Variants in SLC30A5 observed in about 807,000 individuals in gnomAD.
SLC30A5 encodes solute carrier family 30 member 5.
In SLC30A5, 33 loss-of-function variants were observed where a neutral mutation model predicts 79.6. That is an observed-to-expected ratio of 0.41 (90% CI 0.31 to 0.55). SLC30A5 has a LOEUF of 0.55. Among genes scored for constraint, SLC30A5 ranks in the 20% least tolerant of loss-of-function variants. The pLI is 0.20. For missense variants in SLC30A5, 788 were observed against 928.1 expected (o/e 0.85, Z 1.96); for synonymous variants, 299 against 319.7 (o/e 0.94, Z 0.69).
At chr5:69,103,010 C>T in intron 2 of SLC30A5, 52 bp from the exon 3 acceptor site, 2 of 892,376 alleles carry the variant, frequency 2.2e-6, no homozygotes, top group South Asian at 3.5e-5. Context: ...AAAACTGTAT[C>T]TTGTGTTTAA....
Position 69,130,184 on chromosome 5 carries a change from T to G in SLC30A5, c.*567T>G, listed in dbSNP as rs1746813859. On this transcript the variant is annotated 3_prime_UTR_variant, in exon 16 of 16. Coordinates refer to ENST00000396591, the MANE Select transcript of SLC30A5 (RefSeq NM_022902.5). ...ACTGATATGAGATAAGCAATGAGAA[T>G]AGGGAAGTGTATAACATCACAGTTT... is the stretch of plus-strand genomic sequence containing the variant. 6.6e-6 allele frequency: 1 copy of G among 152,168 alleles called. No homozygotes were observed. The highest frequency in any genetic ancestry group is 1.5e-5 in the Non-Finnish European group (1 of 68,024). 9.4% of individuals were successfully genotyped at this position (152,168 alleles called of 1,614,324 possible).
At chr5:69,094,656 T>C (rs1030152346) in intron 1 of SLC30A5, among the ~76,000 whole-genome samples, 1 of 152,090 alleles carries the variant, frequency 6.6e-6, no homozygotes, top group African/African-American at 2.4e-5. Context: ...TGGCTGTTTC[T>C]CCCTGAAATA....
intron 7 of SLC30A5, 95 bp from the exon 8 acceptor site, chr5:69,115,135 GAAAAAAA>G (rs60614154): frequency 1.1e-3 from 615 of 539,164 alleles, no homozygotes; most frequent in Admixed American, 2.8e-3. Flanking sequence ...TGTCTCTGGG[GAAAAAAA>G]AAAAAAAAAA....
At chr5:69,107,208 C>T (rs1002369275) in intron 4 of SLC30A5, among the ~76,000 whole-genome samples, 14 of 152,240 alleles carry the variant, frequency 9.2e-5, no homozygotes, top group East Asian at 3.9e-4. Context: ...CCTATACCTA[C>T]ACAGGGTCAG....
intron 2 of SLC30A5, among the ~76,000 whole-genome samples, chr5:69,101,792 A>C (rs1032595147): frequency 6.6e-6 from 1 of 150,646 alleles, no homozygotes; most frequent in Non-Finnish European, 1.5e-5. Context: ...GCCTGTCTCT[A>C]CTAAAGATAC....
intron 5 of SLC30A5, among the ~76,000 whole-genome samples, chr5:69,111,598 C>G (rs1166914371): frequency 6.6e-6 from 1 of 152,164 alleles, no homozygotes; most frequent in Non-Finnish European, 1.5e-5. Flanking sequence ...GCCACCACGC[C>G]TGGCCTTTTT....
chr5:69,097,109 CT>C lies in SLC30A5; in HGVS notation c.83+2795del, dbSNP rs1228027917. On this transcript the variant is annotated intron_variant, in intron 1 of 15. Coordinates refer to ENST00000396591, the MANE Select transcript of SLC30A5 (RefSeq NM_022902.5). ...TTGTTTCTTCCCTTCCTCTCTTTTT[CT>C]TTTTTTTTTTTTTTTTTTTTTTTGA... 8.8e-3 allele frequency among the ~76,000 whole-genome samples: 772 copies of C among 87,890 alleles called. 1 individual carries two copies. Among genetic ancestry groups the C allele is most frequent in the African/African-American group, 0.031 (637 of 20,864 alleles). The allele number at this position is 87,890 out of a possible 152,430, so 57.7% of individuals were successfully genotyped here.
chr5:69,106,560 G>C (rs1746084049), intron 4 of SLC30A5, among the ~76,000 whole-genome samples: 1 of 152,066 alleles, frequency 6.6e-6, no homozygotes, highest in South Asian at 2.1e-4. Context: ...TTTAATCCCA[G>C]CACTTTGGGA....
Position 69,094,323 on chromosome 5 carries a change from A to G in SLC30A5, c.68A>G (p.Asp23Gly). 1 of 1,251,832 alleles carries G rather than the reference A, an allele frequency of 8.0e-7. No homozygotes were observed. Among genetic ancestry groups the G allele is most frequent in the Middle Eastern group, 2.5e-4 (1 of 4,028 alleles). 77.5% of individuals were successfully genotyped at this position (1,251,832 alleles called of 1,614,324 possible). ...GGCGGCGGCGGCCTTGGGCCGGTGG[A>G]CGTACCCAGCGCTCGGTAAGGGACC... ...PGGGGGLGPVDVPSARLTKYI... is the reference protein window; with the variant it reads ...PGGGGGLGPVGVPSARLTKYI... Residue 23 changes from aspartate (D) to glycine (G), a missense_variant, in exon 1 of 16, where the codon GAC becomes GGC. Physicochemically the swap from Asp to Gly is moderately conservative, Grantham distance 94. This residue lies in a region of SLC30A5 where 626 missense variants were observed against 755.5 expected (regional missense o/e 0.83). Transcript: ENST00000396591.
intron 14 of SLC30A5, among the ~76,000 whole-genome samples, chr5:69,126,537 C>T (rs1216484675): frequency 3.3e-5 from 5 of 152,060 alleles, no homozygotes; most frequent in Middle Eastern, 3.4e-3. Flanking sequence ...CCGAGGCGGG[C>T]GGATCACAAG....
rs1225771403 is a variant in SLC30A5 at position 69,123,050 on chromosome 5, G to A, written c.1772-149G>A. 2.0e-5 allele frequency: 11 copies of A among 539,978 alleles called. No individual in the cohort carries two copies. In the South Asian group the frequency reaches 2.9e-4, roughly 14 times the overall value. 33.4% of individuals were successfully genotyped at this position (539,978 alleles called of 1,614,324 possible). A position where few individuals can be genotyped will look rare whatever the true frequency, so the allele number is the denominator to read the frequency against. ...CCACTGTATTCTGAATTCCTTGAGG[G>A]CAGTGACCATGTTTTAGGCATTTTG... On this transcript the variant is annotated intron_variant, in intron 13 of 15. Coordinates refer to ENST00000396591, the MANE Select transcript of SLC30A5 (RefSeq NM_022902.5).
rs1746337417 is a variant in SLC30A5 at position 69,115,311 on chromosome 5, C to CG, written c.688dup (p.Asp230GlyfsTer6). On this transcript the variant is annotated frameshift_variant, in exon 8 of 16. Transcript: ENST00000396591. LOFTEE classifies it high-confidence loss of function. ...ATACAGCTTCCAGAAAGCTCTCTGT[C>CG]GACGTTGGTGGAGCTAAACGTCTTC... 1 of 1,613,782 alleles carries CG rather than the reference C, an allele frequency of 6.2e-7. No homozygotes were observed. The highest frequency in any genetic ancestry group is 1.7e-5 in the Admixed American group (1 of 59,982).
intron 2 of SLC30A5, among the ~76,000 whole-genome samples, chr5:69,101,580 A>T (rs1203221264): frequency 6.6e-6 from 1 of 151,410 alleles, no homozygotes; most frequent in Non-Finnish European, 1.5e-5. Flanking sequence ...CCTGGCCTAC[A>T]TATAAGAAAT....
chr5:69,097,251 G>A (rs892910008), intron 1 of SLC30A5, among the ~76,000 whole-genome samples: 4 of 151,608 alleles, frequency 2.6e-5, no homozygotes, highest in Non-Finnish European at 4.4e-5. Context: ...GAGTAGCTGG[G>A]ACTACAGACG....
intron 14 of SLC30A5, chr5:69,123,673 G>GAGA: frequency 2.6e-6 from 1 of 389,272 alleles, no homozygotes; most frequent in Admixed American, 4.2e-5. Flanking sequence ...TTTCTTGGAT[G>GAGA]AGAAGACTCT....
chr5:69,127,208 G>A (rs915259797), intron 14 of SLC30A5, among the ~76,000 whole-genome samples: 2 of 152,136 alleles, frequency 1.3e-5, no homozygotes, highest in African/African-American at 4.8e-5. Flanking sequence ...GCATATGAAT[G>A]TGTCCGTGTA....
chr5:69,108,637 C>T (rs1432315248), intron 5 of SLC30A5, among the ~76,000 whole-genome samples: 1 of 152,074 alleles, frequency 6.6e-6, no homozygotes, highest in Middle Eastern at 3.2e-3. Flanking sequence ...GCCTAGCCAA[C>T]GTGGTGAAAT....
In SLC30A5 at chr5:69,097,923, C is replaced by G. The variant is rs1434636783; in HGVS notation, c.84-2884C>G. ...AGGCTAAGTAACCTATATTGATAAG[C>G]AGACATTCCTAGTTCATGTTATGAA... On this transcript the variant is annotated intron_variant, in intron 1 of 15. Transcript: ENST00000396591. Among the ~76,000 whole-genome samples, 3 of 152,100 alleles carry G rather than the reference C, an allele frequency of 2.0e-5. No homozygotes were observed. In the East Asian group the frequency reaches 5.8e-4, roughly 29 times the overall value.
At chr5:69,118,297 G>GTGTATATATATGTGTATATATATATATA (rs1561295989) in intron 11 of SLC30A5, 3 of 110,300 alleles carry the variant, frequency 2.7e-5, no homozygotes, top group African/African-American at 9.5e-5. Context: ...CATATATAAC[G>GTGTATATATATGTGTATATATATATATA]TGTATATATA....
Sources: allele counts gnomAD v4.1 joint callset (sites outside exome capture counted in the v4.1 genomes callset), GRCh38; gene constraint gnomAD v4.1.1; regional missense constraint gnomAD v4.1.1; transcripts MANE v1.5; gene names NCBI Gene and HGNC (gene_info 2026-07-23, HGNC 2026-07-21).